Variants in RAD54L2 observed in about 807,000 individuals in gnomAD.
RAD54L2 encodes helicase ARIP4.
In RAD54L2, 27 loss-of-function variants were observed where a neutral mutation model predicts 138.4. The ratio of observed to expected loss-of-function variants is 0.20; its 90% CI spans 0.14 to 0.27. RAD54L2 has a LOEUF of 0.27. Among genes scored for constraint, RAD54L2 ranks in the 10% least tolerant of loss-of-function variants. The pLI is 1.00. For missense variants in RAD54L2, 1,396 were observed against 1,890.2 expected (o/e 0.74, Z 4.85); for synonymous variants, 644 against 723.2 (o/e 0.89, Z 1.76).
intron 4 of RAD54L2, among the ~76,000 whole-genome samples, chr3:51,629,044 A>C (rs191180783): frequency 1.3e-5 from 2 of 152,272 alleles, no homozygotes; most frequent in African/African-American, 4.8e-5. Flanking sequence ...ACTGCTTTTC[A>C]GCTTTGTGAA....
intron 2 of RAD54L2, among the ~76,000 whole-genome samples, chr3:51,554,937 G>A (rs556089478): frequency 6.6e-6 from 1 of 152,204 alleles, no homozygotes; most frequent in South Asian, 2.1e-4. Context: ...CTGCCTCCCA[G>A]GTTCAAGCGA....
chr3:51,578,783 C>T (rs1340632005), intron 2 of RAD54L2, among the ~76,000 whole-genome samples: 1 of 152,122 alleles, frequency 6.6e-6, no homozygotes, highest in East Asian at 1.9e-4. Context: ...TGTTGCAGTA[C>T]TCTTTTAGCT....
Position 51,645,061 on chromosome 3 carries a change from C to T in RAD54L2, c.2488C>T (p.Arg830Ter). ...CLGVNLIGAN[R>*]VVVFDASWNP... ...GGGTGTGAATCTGATTGGTGCCAACCGAGTGGTGGTGTTTGATGCTTCCTG... is the reference window on the plus strand; with the variant it reads ...GGGTGTGAATCTGATTGGTGCCAACTGAGTGGTGGTGTTTGATGCTTCCTG... Residue 830 changes from arginine to a stop codon, truncating the protein, a stop_gained, in exon 17 of 23, where the codon CGA becomes TGA. Transcript: ENST00000684192. LOFTEE classifies it high-confidence loss of function. This position sits in a 1 kb window ranked among gnomAD's most constrained non-coding sequence, Gnocchi z 6.1. 1 of 1,613,782 alleles carries T rather than the reference C, an allele frequency of 6.2e-7. No individual in the cohort carries two copies.
Position 51,638,067 on chromosome 3 carries a change from A to C in RAD54L2, c.1683-77A>C. On this transcript the variant is annotated intron_variant, in intron 11 of 22. Coordinates refer to ENST00000684192, the MANE Select transcript of RAD54L2 (RefSeq NM_015106.4). This position sits in a 1 kb window ranked among gnomAD's most constrained non-coding sequence, Gnocchi z 4.3. The stretch of plus-strand genomic sequence containing the variant: ...AAGAGGGAGGTGTGGCAGGAGTGCA[A>C]AAGGCTCTGTTTTTATCTTGTGCTG... 7.1e-7 allele frequency: 1 copy of C among 1,409,592 alleles called. No individual in the cohort carries two copies. Among genetic ancestry groups the C allele is most frequent in the African/African-American group, 1.4e-5 (1 of 70,642 alleles). The allele number at this position is 1,409,592 out of a possible 1,614,324, so 87.3% of individuals were successfully genotyped here.
At chr3:51,617,859 C>A (rs547602134) in intron 3 of RAD54L2, among the ~76,000 whole-genome samples, 1 of 152,284 alleles carries the variant, frequency 6.6e-6, no homozygotes, top group South Asian at 2.1e-4. Context: ...CTTCAACTCT[C>A]GTGACAGAGC....
chr3:51,652,184 T>C (rs1333593907), intron 19 of RAD54L2, among the ~76,000 whole-genome samples: 2 of 152,144 alleles, frequency 1.3e-5, no homozygotes, highest in East Asian at 1.9e-4. Context: ...CCATTCACAA[T>C]TGCTTCAAAG....
Position 51,635,595 on chromosome 3 carries a change from C to T in RAD54L2, c.1145C>T (p.Thr382Met), listed in dbSNP as rs771939905. 95 of 1,599,788 alleles carry T rather than the reference C, an allele frequency of 5.9e-5. No individual in the cohort carries two copies. Among genetic ancestry groups the T allele is most frequent in the East Asian group, 1.6e-4 (7 of 44,480 alleles). The change falls in exon 10 of 23, where the codon ACG becomes ATG. Residue 382 changes from threonine (T) to methionine (M), a missense_variant and splice_region_variant. Thr to Met is a moderately conservative substitution (Grantham distance 81). This residue lies in a region of RAD54L2 where 169 missense variants were observed against 235.6 expected (regional missense o/e 0.72). Coordinates refer to ENST00000684192, the MANE Select transcript of RAD54L2 (RefSeq NM_015106.4). ...AATTTTCTCTGTTCATCTTGCAGGA[C>T]GATGGCATCTCGTGCTAAAGTGATG... ...KVHILNDEHK[T>M]MASRAKVMAD...
intron 2 of RAD54L2, among the ~76,000 whole-genome samples, chr3:51,545,328 A>G (rs1199700077): frequency 6.6e-6 from 1 of 151,930 alleles, no homozygotes; most frequent in African/African-American, 2.4e-5. Flanking sequence ...AGCAGCTGGG[A>G]TTACAGGCGC....
intron 3 of RAD54L2, among the ~76,000 whole-genome samples, chr3:51,614,143 A>G (rs924264563): frequency 1.3e-5 from 2 of 150,134 alleles, no homozygotes; most frequent in African/African-American, 2.4e-5. Flanking sequence ...TGGCCATTTC[A>G]TTTCTTCATG....
At chr3:51,620,408 T>C (rs1458433422) in intron 3 of RAD54L2, among the ~76,000 whole-genome samples, 2 of 116,648 alleles carry the variant, frequency 1.7e-5, no homozygotes, top group African/African-American at 6.2e-5. Flanking sequence ...CCTACTGGTC[T>C]TTTTTTTTTT....
chr3:51,590,945 G>A (rs1699826256), intron 3 of RAD54L2, among the ~76,000 whole-genome samples: 1 of 152,176 alleles, frequency 6.6e-6, no homozygotes. Context: ...TGAGTGGTCT[G>A]TAAGTTTTCT....
chr3:51,565,724 C>T (rs1475548037), intron 2 of RAD54L2, among the ~76,000 whole-genome samples: 6 of 151,980 alleles, frequency 3.9e-5, no homozygotes, highest in Admixed American at 6.6e-5. Context: ...CCGCCCGTCT[C>T]GGCCTGCCAA....
Position 51,635,810 on chromosome 3 carries a change from A to G in RAD54L2, c.1339+21A>G, listed in dbSNP as rs768444616. On this transcript the variant is annotated intron_variant, in intron 10 of 22. Coordinates refer to ENST00000684192, the MANE Select transcript of RAD54L2 (RefSeq NM_015106.4). The stretch of plus-strand genomic sequence containing the variant: ...GAGAGGTGGGCAGCCTATCCCAGGA[A>G]TACTCTTGTTGGTGTTTCAGGAAAA... The G allele has an allele frequency of 1.9e-6, 3 of 1,587,364 alleles. No individual in the cohort carries two copies. In the South Asian group the frequency reaches 3.4e-5, roughly 18 times the overall value.
At chr3:51,575,027 G>A (rs559260141) in intron 2 of RAD54L2, among the ~76,000 whole-genome samples, 194 of 152,222 alleles carry the variant, frequency 1.3e-3, no homozygotes, top group Admixed American at 2.9e-3. Context: ...TTTTGTATAA[G>A]GTGTAAGGAA....
chr3:51,615,340 T>C (rs184493191), intron 3 of RAD54L2, among the ~76,000 whole-genome samples: 181 of 152,366 alleles, frequency 1.2e-3, no homozygotes, highest in Middle Eastern at 3.4e-3. Flanking sequence ...TTAGGCGTCT[T>C]GGCAAATATA....
intron 22 of RAD54L2, among the ~76,000 whole-genome samples, chr3:51,660,400 C>T (rs1396734808): frequency 6.6e-6 from 1 of 151,580 alleles, no homozygotes; most frequent in Non-Finnish European, 1.5e-5. Context: ...GCTCTGCCTC[C>T]TGGGTTCATG....
chr3:51,625,569 G>C (rs1344451797), intron 3 of RAD54L2, among the ~76,000 whole-genome samples: 2 of 152,116 alleles, frequency 1.3e-5, no homozygotes, highest in Non-Finnish European at 2.9e-5. Flanking sequence ...ATTAAAATTA[G>C]TGGGTGAGGC....
chr3:51,627,589 C>A lies in RAD54L2; in HGVS notation c.176C>A (p.Ala59Asp). The change falls in exon 4 of 23, where the codon GCC becomes GAC. Residue 59 changes from alanine to aspartate, a missense_variant. Coordinates refer to ENST00000684192, the MANE Select transcript of RAD54L2 (RefSeq NM_015106.4). ...GAAGGCATGTGTGGCACTGAGCATG[C>A]CCAGTTGGGAGAAGATGGGCAGCAG... ...SLEGMCGTEH[A>D]QLGEDGQQPP... 1 of 1,555,440 alleles carries A rather than the reference C, an allele frequency of 6.4e-7. No individual in the cohort carries two copies.
chr3:51,609,698 T>TTGTGTGTG (rs5848928), intron 3 of RAD54L2, among the ~76,000 whole-genome samples: 226 of 141,172 alleles, frequency 1.6e-3, no homozygotes, highest in African/African-American at 4.6e-3. Flanking sequence ...TTGTGGGCAT[T>TTGTGTGTG]TGTGTGTGTG....
Sources: gnomAD v4.1 joint callset for allele counts (sites outside exome capture counted in the v4.1 genomes callset) on GRCh38, gnomAD v4.1.1 for gene constraint, gnomAD v4.1.1 regional missense constraint, Gnocchi (gnomAD v3.1) non-coding constraint, MANE v1.5 for transcripts, NCBI Gene and HGNC (gene_info 2026-07-23, HGNC 2026-07-21) for gene names.